Variants in BTAF1 observed in about 807,000 individuals in gnomAD.
BTAF1 encodes the protein B-TFIID TATA-box binding protein associated factor 1, also known as TATA-binding protein-associated factor 172.
In BTAF1, 38 loss-of-function variants were observed where a neutral mutation model predicts 227.1. The observed-to-expected ratio is 0.17, with a 90% CI of 0.13 to 0.22. BTAF1 has a LOEUF of 0.22. Among genes scored for constraint, BTAF1 ranks in the 10% least tolerant of loss-of-function variants. The probability of loss-of-function intolerance (pLI) is 1.00; values close to 1 mark genes in which losing one functional copy is unlikely to be tolerated. For synonymous variants in BTAF1, 742 were observed against 751.9 expected, an observed-to-expected ratio of 0.99 and a Z score of 0.21; for missense variants, 1,598 against 2,204.0, an observed-to-expected ratio of 0.73 and a Z score of 5.51.
intron 6 of BTAF1, among the ~76,000 whole-genome samples, chr10:91,954,689 C>T (rs935945066): frequency 2.0e-5 from 3 of 152,084 alleles, no homozygotes; most frequent in African/African-American, 7.2e-5. Flanking sequence ...TCCCAAGTAG[C>T]TGGGACTACA....
At chr10:91,932,885 A>T (rs1844364413) in intron 1 of BTAF1, among the ~76,000 whole-genome samples, 1 of 152,232 alleles carries the variant, frequency 6.6e-6, no homozygotes, top group South Asian at 2.1e-4. Flanking sequence ...CCCGAAGATC[A>T]CCTCTAGTGG....
At chr10:91,946,617 T>C (rs1036596558) in intron 4 of BTAF1, among the ~76,000 whole-genome samples, 2 of 152,192 alleles carry the variant, frequency 1.3e-5, no homozygotes, top group Admixed American at 6.5e-5. Context: ...TGAAGTGATA[T>C]CTCATTGTGA....
intron 25 of BTAF1, among the ~76,000 whole-genome samples, chr10:92,007,045 T>G (rs1292441896): frequency 6.9e-6 from 1 of 145,806 alleles, no homozygotes; most frequent in East Asian, 2.0e-4. Flanking sequence ...CATATTTGGG[T>G]TTTTTTTTTT....
In BTAF1 at chr10:91,923,984, G is replaced by T. The variant is rs1210000170; in HGVS notation, c.-93G>T. ...ACCGGCCGCTCCCCTGTGCTCCGCGGCCTGGGCCTGCGCCGCTCAGCTCTC... is the reference window on the plus strand; with the variant it reads ...ACCGGCCGCTCCCCTGTGCTCCGCGTCCTGGGCCTGCGCCGCTCAGCTCTC... On this transcript the variant is annotated 5_prime_UTR_variant, in exon 1 of 38. Coordinates refer to ENST00000265990, the MANE Select transcript of BTAF1 (RefSeq NM_003972.3). 3.8e-5 allele frequency: 57 copies of T among 1,482,200 alleles called. No individual in the cohort carries two copies. The highest frequency in any genetic ancestry group is 4.8e-5 in the Non-Finnish European group (54 of 1,114,122). 91.8% of individuals were successfully genotyped at this position (1,482,200 alleles called of 1,614,324 possible). A position where few individuals can be genotyped will look rare whatever the true frequency, so the allele number is the denominator to read the frequency against.
At chr10:91,954,009 CAG>C (rs1845930500) in intron 6 of BTAF1, 136 bp downstream of exon 6, 4 of 1,228,710 alleles carry the variant, frequency 3.3e-6, no homozygotes, top group African/African-American at 3.1e-5. Context: ...ACTCAATTGT[CAG>C]AGAGTATTCA....
At chr10:91,991,462 A>G (rs1848750266) in intron 20 of BTAF1, among the ~76,000 whole-genome samples, 1 of 149,796 alleles carries the variant, frequency 6.7e-6, no homozygotes, top group African/African-American at 2.4e-5. Context: ...ACAACAAAAA[A>G]TTAATAGGCT....
At chr10:91,984,104 T>A (rs1238831240) in intron 18 of BTAF1, 97 bp from the exon 19 acceptor site, 1 of 1,050,282 alleles carries the variant, frequency 9.5e-7, no homozygotes, top group Non-Finnish European at 1.4e-6. Flanking sequence ...TCAGTACAAG[T>A]AAGAATTTAG....
chr10:92,006,464 T>C (rs535023327), intron 25 of BTAF1, among the ~76,000 whole-genome samples: 2 of 152,364 alleles, frequency 1.3e-5, no homozygotes, highest in South Asian at 4.1e-4. Flanking sequence ...GCCAGGTAAG[T>C]ATGTCTTATA....
chr10:92,012,670 C>T (rs1197902801), intron 30 of BTAF1, among the ~76,000 whole-genome samples: 1 of 145,268 alleles, frequency 6.9e-6, no homozygotes, highest in Non-Finnish European at 1.5e-5. Flanking sequence ...ACTCAGGAGG[C>T]TGAGGCAAGA....
intron 14 of BTAF1, among the ~76,000 whole-genome samples, chr10:91,968,453 C>T (rs1847076509): frequency 6.6e-6 from 1 of 152,196 alleles, no homozygotes; most frequent in African/African-American, 2.4e-5. Flanking sequence ...CTAAGGACAT[C>T]TTAATTGCTT....
At chr10:92,014,666 T>C (rs1850582303) in intron 32 of BTAF1, among the ~76,000 whole-genome samples, 1 of 152,260 alleles carries the variant, frequency 6.6e-6, no homozygotes, top group Admixed American at 6.5e-5. Flanking sequence ...ATAGGTATTA[T>C]TAATCCCCAT....
At chr10:91,931,182 A>G (rs1844253468) in intron 1 of BTAF1, among the ~76,000 whole-genome samples, 1 of 152,198 alleles carries the variant, frequency 6.6e-6, no homozygotes, top group South Asian at 2.1e-4. Flanking sequence ...AACCTCTACT[A>G]CTATGTACTC....
At chr10:91,984,713 A>G (rs182529553) in intron 19 of BTAF1, among the ~76,000 whole-genome samples, 1 of 152,328 alleles carries the variant, frequency 6.6e-6, no homozygotes, top group African/African-American at 2.4e-5. Flanking sequence ...TGCTTCTACA[A>G]GTTCCTGAGT....
intron 37 of BTAF1, among the ~76,000 whole-genome samples, 173 bp downstream of exon 37, chr10:92,027,473 A>C (rs1037787948): frequency 7.6e-6 from 1 of 132,014 alleles, no homozygotes; most frequent in African/African-American, 3.5e-5. Flanking sequence ...GGATGTGTGA[A>C]GTTTTGATTT....
intron 14 of BTAF1, among the ~76,000 whole-genome samples, chr10:91,969,923 C>T (rs1847172861): frequency 6.6e-6 from 1 of 151,458 alleles, no homozygotes; most frequent in African/African-American, 2.4e-5. Context: ...GAGATTGCAC[C>T]ACTGCCAAGC....
rs144525881 is a variant in BTAF1, at chr10:91,997,562, G to A, written c.3512-41G>A. On this transcript the variant is annotated intron_variant, in intron 24 of 37. Coordinates refer to ENST00000265990, the MANE Select transcript of BTAF1 (RefSeq NM_003972.3). ...TATCAGTTTGTTTGTGAAAACATCT[G>A]TCTTGGAACCATTTCAAAATTTCCT... 517 of 1,585,542 alleles carry A rather than the reference G, an allele frequency of 3.3e-4. 3 individuals carry two copies. In the African/African-American group the frequency reaches 6.4e-3, roughly 20 times the overall value.
chr10:91,999,105 T>C (rs1411058890), intron 25 of BTAF1, among the ~76,000 whole-genome samples: 1 of 151,896 alleles, frequency 6.6e-6, no homozygotes, highest in Non-Finnish European at 1.5e-5. Context: ...ATAATGCTGC[T>C]CTGCATTTAT....
rs180903624 is a variant in BTAF1, at chr10:91,950,745, C to T, written c.401-658C>T. Among the ~76,000 whole-genome samples the T allele has an allele frequency of 1.5e-3, 221 of 151,620 alleles. 1 individual carries two copies. Among genetic ancestry groups the T allele is most frequent in the African/African-American group, 5.0e-3 (207 of 41,318 alleles). On this transcript the variant is annotated intron_variant, in intron 4 of 37. Transcript: ENST00000265990. ...GAGCCCTTTTACTGTTGAACAAAAT[C>T]TAGATGTTTTTTTAGCCCAGTGAGA... is the stretch of plus-strand genomic sequence containing the variant.
Position 91,981,635 on chromosome 10 carries a change from C to T in BTAF1, c.1756-8C>T. 6.3e-7 allele frequency: 1 copy of T among 1,581,662 alleles called. No individual in the cohort carries two copies. Among genetic ancestry groups the T allele is most frequent in the Non-Finnish European group, 8.6e-7 (1 of 1,167,562 alleles). ...AATTCACTTTCATGTCCCCCTTTTA[C>T]CCTGCAGGTTTGGATGGAACTGTTG... On this transcript the variant is annotated splice_region_variant and splice_polypyrimidine_tract_variant and intron_variant, in intron 15 of 37. Coordinates refer to ENST00000265990, the MANE Select transcript of BTAF1 (RefSeq NM_003972.3).
Sources: gnomAD v4.1 joint callset for allele counts (sites outside exome capture counted in the v4.1 genomes callset) on GRCh38, gnomAD v4.1.1 for gene constraint, MANE v1.5 for transcripts, NCBI Gene and HGNC (gene_info 2026-07-23, HGNC 2026-07-21) for gene names.